Variants in KIRREL3 observed in about 807,000 individuals in gnomAD.
KIRREL3 encodes the protein kirre like nephrin family adhesion molecule 3, also known as kin of IRRE-like protein 3.
A neutral mutation model predicts 89.7 loss-of-function variants in KIRREL3; 36 were observed. The ratio of observed to expected loss-of-function variants is 0.40; its 90% CI spans 0.31 to 0.53. The LOEUF is 0.53. Among genes scored for constraint, KIRREL3 ranks in the 20% least tolerant of loss-of-function variants. The probability of loss-of-function intolerance (pLI) is 0.49; values close to 1 mark genes in which losing one functional copy is unlikely to be tolerated. For synonymous variants in KIRREL3, 445 were observed against 441.4 expected, an observed-to-expected ratio of 1.01 and a Z score of -0.10; for missense variants, 864 against 1,056.6, an observed-to-expected ratio of 0.82 and a Z score of 2.53.
Position 126,579,244 on chromosome 11 carries a change from G to A in KIRREL3, c.56-16332C>T, listed in dbSNP as rs1191026946. On this transcript the variant is annotated intron_variant, in intron 1 of 16. Transcript: ENST00000525144. The surrounding 1 kb of genome is among the most constrained non-coding windows in gnomAD (Gnocchi z 5.3). ...CCAAGAGCCTTAGGATTTATCATGTGGGAGGGTAGTTAGTTCCCAAACGCA... is the reference window on the plus strand; with the variant it reads ...CCAAGAGCCTTAGGATTTATCATGTAGGAGGGTAGTTAGTTCCCAAACGCA... 6.6e-6 allele frequency among the ~76,000 whole-genome samples: 1 copy of A among 152,088 alleles called. No homozygotes were observed. The highest frequency in any genetic ancestry group is 1.9e-4 in the East Asian group (1 of 5,198).
rs1949762847 is a variant in KIRREL3, at chr11:126,983,137, A to G, written c.55+17318T>C. 6.6e-6 allele frequency among the ~76,000 whole-genome samples: 1 copy of G among 152,158 alleles called. No individual in the cohort carries two copies. Among genetic ancestry groups the G allele is most frequent in the East Asian group, 1.9e-4 (1 of 5,176 alleles). ...ATAATCCCCATAGATATACATGGGGAAGGTCATTTTTTCTAACTTATAAGT... is the reference window on the plus strand; with the variant it reads ...ATAATCCCCATAGATATACATGGGGGAGGTCATTTTTTCTAACTTATAAGT... On this transcript the variant is annotated intron_variant, in intron 1 of 16. Transcript: ENST00000525144. This position sits in a 1 kb window ranked among gnomAD's most constrained non-coding sequence, Gnocchi z 4.9.
At chr11:126,439,512 C>G (rs1456283057) in intron 11 of KIRREL3, among the ~76,000 whole-genome samples, 2 of 149,472 alleles carry the variant, frequency 1.3e-5, no homozygotes, top group Non-Finnish European at 3.0e-5. Context: ...GTAAGACCCT[C>G]CCTTTAAAAA....
chr11:126,735,122 T>A (rs1948758718), intron 1 of KIRREL3, among the ~76,000 whole-genome samples: 1 of 152,188 alleles, frequency 6.6e-6, no homozygotes, highest in Admixed American at 6.5e-5. Context: ...GGAGGTTACA[T>A]GCAAACTCAG....
rs1946181815 is a variant in KIRREL3 at position 126,896,908 on chromosome 11, GC to G, written c.55+103546del. Among the ~76,000 whole-genome samples, 3 of 152,084 alleles carry G rather than the reference GC, an allele frequency of 2.0e-5. No individual in the cohort carries two copies. Among genetic ancestry groups the G allele is most frequent in the African/African-American group, 7.2e-5 (3 of 41,414 alleles). ...CGCAGTGGGGATCTTAACAGGCATT[GC>G]CATTTCTTTTGCTTGATATTTCTGG... On this transcript the variant is annotated intron_variant, in intron 1 of 16. Transcript: ENST00000525144. The surrounding 1 kb of genome is among the most constrained non-coding windows in gnomAD (Gnocchi z 4.1).
intron 1 of KIRREL3, among the ~76,000 whole-genome samples, chr11:126,944,058 G>A (rs1948542143): frequency 6.6e-6 from 1 of 152,084 alleles, no homozygotes; most frequent in Non-Finnish European, 1.5e-5. Context: ...CGGAAGAAAG[G>A]AAGATCCTTA....
chr11:126,872,012 A>G lies in KIRREL3; in HGVS notation c.55+128443T>C, dbSNP rs1025355555. On this transcript the variant is annotated intron_variant, in intron 1 of 16. Coordinates refer to ENST00000525144, the MANE Select transcript of KIRREL3 (RefSeq NM_032531.4). The surrounding 1 kb of genome is among the most constrained non-coding windows in gnomAD (Gnocchi z 4.2). ...TTTGTACTTAATGCAGACAGTGGCT[A>G]TGAGGTAGGAAATCAGCAGAGCTTG... is the stretch of plus-strand genomic sequence containing the variant. 6.6e-5 allele frequency among the ~76,000 whole-genome samples: 10 copies of G among 152,170 alleles called. No individual in the cohort carries two copies. Among genetic ancestry groups the G allele is most frequent in the Non-Finnish European group, 1.3e-4 (9 of 68,022 alleles).
Position 126,424,386 on chromosome 11 carries a change from T to G in KIRREL3, c.*194A>C. On this transcript the variant is annotated 3_prime_UTR_variant, in exon 17 of 17. Transcript: ENST00000525144. ...CTGTCTGTCTCCCCACCCGCCCACC[T>G]CTGGCACACAGCACCTGGGGACCCA... The G allele has an allele frequency of 1.3e-5, 5 of 388,190 alleles. No homozygotes were observed. Among genetic ancestry groups the G allele is most frequent in the Non-Finnish European group, 2.0e-5 (4 of 202,652 alleles). The allele number at this position is 388,190 out of a possible 1,614,324, so 24.0% of individuals were successfully genotyped here.
At position 126,985,473 on chromosome 11, in the gene KIRREL3, G is replaced by A. The variant is rs985285203; in HGVS notation, c.55+14982C>T. On this transcript the variant is annotated intron_variant, in intron 1 of 16. Coordinates refer to ENST00000525144, the MANE Select transcript of KIRREL3 (RefSeq NM_032531.4). This position sits in a 1 kb window ranked among gnomAD's most constrained non-coding sequence, Gnocchi z 5.3. Reference sequence around the variant, plus strand: ...TCCTGGGGCGCTGTGGAATAAGGAAGGAAGGGCATTTAAATTAGATTGTGG... The same window carrying A: ...TCCTGGGGCGCTGTGGAATAAGGAAAGAAGGGCATTTAAATTAGATTGTGG... Among the ~76,000 whole-genome samples, 1 of 152,138 alleles carries A rather than the reference G, an allele frequency of 6.6e-6. No homozygotes were observed. Among genetic ancestry groups the A allele is most frequent in the Non-Finnish European group, 1.5e-5 (1 of 68,042 alleles).
intron 1 of KIRREL3, among the ~76,000 whole-genome samples, chr11:126,925,479 C>T (rs1947674479): frequency 6.6e-6 from 1 of 152,170 alleles, no homozygotes; most frequent in Admixed American, 6.5e-5. Context: ...GATTTACGAA[C>T]TAAATGGAAG....
chr11:126,639,524 G>A lies in KIRREL3; in HGVS notation c.56-76612C>T, dbSNP rs1387285543. Among the ~76,000 whole-genome samples, 1 of 152,178 alleles carries A rather than the reference G, an allele frequency of 6.6e-6. No individual in the cohort carries two copies. The highest frequency in any genetic ancestry group is 1.5e-5 in the Non-Finnish European group (1 of 68,046). ...GCAGCTTCTAATCCAGGAGAGTTAAGAAGGCAGATGCTAACCAACCACCAA... is the reference window on the plus strand; with the variant it reads ...GCAGCTTCTAATCCAGGAGAGTTAAAAAGGCAGATGCTAACCAACCACCAA... On this transcript the variant is annotated intron_variant, in intron 1 of 16. Coordinates refer to ENST00000525144, the MANE Select transcript of KIRREL3 (RefSeq NM_032531.4). This position sits in a 1 kb window ranked among gnomAD's most constrained non-coding sequence, Gnocchi z 4.3.
At chr11:126,488,186 G>T (rs531852785) in intron 4 of KIRREL3, among the ~76,000 whole-genome samples, 1 of 152,354 alleles carries the variant, frequency 6.6e-6, no homozygotes, top group Non-Finnish European at 1.5e-5. Flanking sequence ...TCCTCATCTG[G>T]CTCTGATTAT....
At chr11:126,737,657 T>A (rs1342668798) in intron 1 of KIRREL3, among the ~76,000 whole-genome samples, 2 of 152,202 alleles carry the variant, frequency 1.3e-5, no homozygotes, top group Admixed American at 6.5e-5. Flanking sequence ...CTCGGAATTC[T>A]CCAGTAGAGG....
rs960366929 is a variant in KIRREL3 at position 126,764,602 on chromosome 11, A to G, written c.56-201690T>C. ...TAACAACTGGATCTCAATCCCCAAA[A>G]CAATTCCCTGCTCATTCTATGAGTT... On this transcript the variant is annotated intron_variant, in intron 1 of 16. Coordinates refer to ENST00000525144, the MANE Select transcript of KIRREL3 (RefSeq NM_032531.4). The surrounding 1 kb of genome is among the most constrained non-coding windows in gnomAD (Gnocchi z 4.2). Among the ~76,000 whole-genome samples, 5 of 152,152 alleles carry G rather than the reference A, an allele frequency of 3.3e-5. No homozygotes were observed. Among genetic ancestry groups the G allele is most frequent in the Non-Finnish European group, 7.4e-5 (5 of 68,024 alleles).
At chr11:126,986,255 A>AC (rs1555114767) in intron 1 of KIRREL3, among the ~76,000 whole-genome samples, 6 of 151,546 alleles carry the variant, frequency 4.0e-5, no homozygotes, top group Non-Finnish European at 5.9e-5. Flanking sequence ...TGATGAGAAC[A>AC]TTTTTTTTTA....
rs900263058 is a variant in KIRREL3, at chr11:126,989,358, C to T, written c.55+11097G>A. Among the ~76,000 whole-genome samples, 6 of 152,256 alleles carry T rather than the reference C, an allele frequency of 3.9e-5. No homozygotes were observed. The highest frequency in any genetic ancestry group is 6.8e-3 in the Middle Eastern group (2 of 294). ...GGACGAAGGGGGCAGTGGCAGCTCA[C>T]CCTGATGCAGAGAGAGCGGCAAGGG... On this transcript the variant is annotated intron_variant, in intron 1 of 16. Coordinates refer to ENST00000525144, the MANE Select transcript of KIRREL3 (RefSeq NM_032531.4). The surrounding 1 kb of genome is among the most constrained non-coding windows in gnomAD (Gnocchi z 6.2).
rs141343802 is a variant in KIRREL3 at position 126,805,292 on chromosome 11, G to A, written c.55+195163C>T. Among the ~76,000 whole-genome samples, 1 of 152,286 alleles carries A rather than the reference G, an allele frequency of 6.6e-6. No homozygotes were observed. The highest frequency in any genetic ancestry group is 1.5e-5 in the Non-Finnish European group (1 of 68,022). On this transcript the variant is annotated intron_variant, in intron 1 of 16. Coordinates refer to ENST00000525144, the MANE Select transcript of KIRREL3 (RefSeq NM_032531.4). This position sits in a 1 kb window ranked among gnomAD's most constrained non-coding sequence, Gnocchi z 4.3. ...AATTAGGGCTCATACTGAAGGTCAG[G>A]AGAAGGGCTGCCATTCATCAGTCAG...
chr11:126,559,288 C>T (rs1412238769), intron 2 of KIRREL3, among the ~76,000 whole-genome samples: 1 of 152,196 alleles, frequency 6.6e-6, no homozygotes, highest in Non-Finnish European at 1.5e-5. Context: ...CTACCTGACA[C>T]CTGTGGGGAC....
chr11:126,745,984 C>T (rs1043120854), intron 1 of KIRREL3, among the ~76,000 whole-genome samples: 3 of 152,182 alleles, frequency 2.0e-5, no homozygotes, highest in Non-Finnish European at 2.9e-5. Context: ...TGCTGGCCAC[C>T]CTGCCATTCC....
rs1956624100 is a variant in KIRREL3 at position 126,463,632 on chromosome 11, T to G, written c.592-325A>C. 6.6e-6 allele frequency among the ~76,000 whole-genome samples: 1 copy of G among 152,170 alleles called. No homozygotes were observed. Among genetic ancestry groups the G allele is most frequent in the Admixed American group, 6.5e-5 (1 of 15,268 alleles). ...GAAACCAGGCTTCAGGGAGGTCCCA[T>G]GTTGAAATGAACTCACATCTTTTTG... On this transcript the variant is annotated intron_variant, in intron 5 of 16. Transcript: ENST00000525144. The surrounding 1 kb of genome is among the most constrained non-coding windows in gnomAD (Gnocchi z 5.9).
Sources: allele counts gnomAD v4.1 joint callset (sites outside exome capture counted in the v4.1 genomes callset), GRCh38; gene constraint gnomAD v4.1.1; non-coding constraint Gnocchi (gnomAD v3.1); transcripts MANE v1.5; gene names NCBI Gene and HGNC (gene_info 2026-07-23, HGNC 2026-07-21).